Variants in PCDHA6 observed in about 807,000 individuals in gnomAD.
The protein encoded by PCDHA6 is protocadherin alpha 6.
In PCDHA6, 55 loss-of-function variants were observed where a neutral mutation model predicts 60.3. That is an observed-to-expected ratio of 0.91 (90% CI 0.73 to 1.14). The LOEUF is 1.14. PCDHA6 is among the 50% of genes most tolerant of loss of function. The probability of loss-of-function intolerance (pLI) is 0.00; values close to 1 mark genes in which losing one functional copy is unlikely to be tolerated. For synonymous variants in PCDHA6, 652 were observed against 557.9 expected (o/e 1.17, Z -2.38); for missense variants, 1,327 against 1,256.5 (o/e 1.06, Z -0.85).
chr5:140,855,670 T>G (rs1581372681), intron 1 of PCDHA6, among the ~76,000 whole-genome samples: 2 of 149,924 alleles, frequency 1.3e-5, no homozygotes, highest in African/African-American at 4.9e-5. Context: ...ATCACTACTC[T>G]GAGAGTCTAC....
At chr5:140,880,687 C>G (rs999356626) in intron 1 of PCDHA6, among the ~76,000 whole-genome samples, 1 of 152,130 alleles carries the variant, frequency 6.6e-6, no homozygotes, top group Non-Finnish European at 1.5e-5. Context: ...AGAGAATAGT[C>G]ATGGTTAAGT....
At chr5:141,003,988 C>T (rs1554259401) in intron 3 of PCDHA6, among the ~76,000 whole-genome samples, 1 of 152,120 alleles carries the variant, frequency 6.6e-6, no homozygotes, top group African/African-American at 2.4e-5. Context: ...TGCCGGAGAT[C>T]CTAGAAGGGA....
chr5:140,898,156 G>C (rs1176390379), intron 1 of PCDHA6, among the ~76,000 whole-genome samples: 2 of 152,114 alleles, frequency 1.3e-5, no homozygotes, highest in African/African-American at 4.8e-5. Context: ...TCACGCTGAT[G>C]GTGGTTTCTT....
intron 1 of PCDHA6, chr5:140,966,420 G>C (rs2096000872): frequency 2.4e-6 from 1 of 421,302 alleles, no homozygotes; most frequent in South Asian, 1.0e-4. Flanking sequence ...AGCAGGACTT[G>C]CTGAGCCCTC....
intron 1 of PCDHA6, among the ~76,000 whole-genome samples, chr5:140,917,533 T>C (rs1584058253): frequency 6.6e-6 from 1 of 152,346 alleles, no homozygotes; most frequent in East Asian, 1.9e-4. Context: ...GTTTGTATAG[T>C]TTTAGGTTTT....
At chr5:140,839,954 T>G (rs1241310286) in intron 1 of PCDHA6, among the ~76,000 whole-genome samples, 1 of 151,716 alleles carries the variant, frequency 6.6e-6, no homozygotes, top group Non-Finnish European at 1.5e-5. Context: ...AGACAACATA[T>G]TTTCTGTAAA....
chr5:140,924,902 AAAATAAAAT>A (rs1211271652), intron 1 of PCDHA6, among the ~76,000 whole-genome samples: 3 of 39,024 alleles, frequency 7.7e-5, no homozygotes, highest in African/African-American at 2.3e-4. Context: ...CTCAAAAAAA[AAAATAAAAT>A]AAAATAAAAT....
In PCDHA6 at chr5:141,000,054, A is replaced by G. The variant is rs189634054; in HGVS notation, c.2543-9573A>G. On this transcript the variant is annotated intron_variant, in intron 3 of 3. Coordinates refer to ENST00000529310, the MANE Select transcript of PCDHA6 (RefSeq NM_018909.4). ...CCAATCACACACACACCACTCTCCC[A>G]GCTGCTCTGTAGATCACAATGCTAG... Among the ~76,000 whole-genome samples the G allele has an allele frequency of 4.0e-3, 609 of 152,230 alleles. 3 individuals carry two copies. Among genetic ancestry groups the G allele is most frequent in the African/African-American group, 0.014 (564 of 41,556 alleles).
intron 3 of PCDHA6, among the ~76,000 whole-genome samples, chr5:140,993,767 G>A (rs115607244): frequency 3.3e-5 from 5 of 152,010 alleles, no homozygotes; most frequent in Non-Finnish European, 7.4e-5. Context: ...TTACAATTGC[G>A]CAGTATTTTG....
At chr5:140,872,023 C>G (rs1554166000) in intron 1 of PCDHA6, among the ~76,000 whole-genome samples, 1 of 152,226 alleles carries the variant, frequency 6.6e-6, no homozygotes, top group African/African-American at 2.4e-5. Flanking sequence ...TAGCCTGGAA[C>G]TGCTAAGCTC....
At chr5:140,913,966 A>C (rs2076538227) in intron 1 of PCDHA6, among the ~76,000 whole-genome samples, 1 of 152,156 alleles carries the variant, frequency 6.6e-6, no homozygotes, top group Non-Finnish European at 1.5e-5. Context: ...TTTTTAAAAA[A>C]ATATTTTAGG....
intron 1 of PCDHA6, chr5:140,966,810 G>A (rs1290992432): frequency 3.9e-6 from 6 of 1,548,566 alleles, no homozygotes; most frequent in African/African-American, 1.4e-5. Context: ...GAGCATCCAC[G>A]GCTCCGGCGG....
intron 3 of PCDHA6, among the ~76,000 whole-genome samples, chr5:140,999,845 T>C (rs1293721817): frequency 6.6e-6 from 1 of 152,188 alleles, no homozygotes; most frequent in African/African-American, 2.4e-5. Context: ...CAAGTGTATT[T>C]ATCTCTTCCG....
At chr5:140,890,961 TTTTG>T (rs1239214366) in intron 1 of PCDHA6, among the ~76,000 whole-genome samples, 3 of 152,172 alleles carry the variant, frequency 2.0e-5, no homozygotes, top group African/African-American at 7.2e-5. Flanking sequence ...TGATTTCAGG[TTTTG>T]TTTTTCTGAA....
intron 1 of PCDHA6, chr5:140,860,059 T>A (rs894082800): frequency 2.7e-5 from 4 of 150,452 alleles, no homozygotes; most frequent in African/African-American, 9.8e-5. Context: ...GAGGCCAAGG[T>A]GGGAGGATGG....
intron 1 of PCDHA6, among the ~76,000 whole-genome samples, chr5:140,963,199 A>G (rs955651383): frequency 6.6e-6 from 1 of 152,092 alleles, no homozygotes; most frequent in Non-Finnish European, 1.5e-5. Flanking sequence ...TGAAAATGAA[A>G]AAAAAAACCT....
At chr5:140,840,242 T>C (rs113669357) in intron 1 of PCDHA6, among the ~76,000 whole-genome samples, 1 of 152,052 alleles carries the variant, frequency 6.6e-6, no homozygotes, top group Non-Finnish European at 1.5e-5. Flanking sequence ...AGAATCACTA[T>C]GCTATAAAAA....
rs782131708 is a variant in PCDHA6, at chr5:140,869,055, G to A, written c.2394+38570G>A. The A allele has an allele frequency of 1.9e-6, 3 of 1,547,114 alleles. No homozygotes were observed. In the South Asian group the frequency reaches 3.8e-5, roughly 20 times the overall value. ...TTTTTAACCTGAAACTGAAGAATCTGGTACTGTAAGTGTAAAGAAGCTTAT... is the reference window on the plus strand; with the variant it reads ...TTTTTAACCTGAAACTGAAGAATCTAGTACTGTAAGTGTAAAGAAGCTTAT... On this transcript the variant is annotated intron_variant, in intron 1 of 3. Coordinates refer to ENST00000529310, the MANE Select transcript of PCDHA6 (RefSeq NM_018909.4).
At chr5:140,857,939 A>C in intron 1 of PCDHA6, 1 of 1,597,618 alleles carries the variant, frequency 6.3e-7, no homozygotes, top group Middle Eastern at 1.7e-4. Flanking sequence ...GGGCGAGATC[A>C]GTACGACGCG....
Sources: gnomAD v4.1 joint callset for allele counts (sites outside exome capture counted in the v4.1 genomes callset) on GRCh38, gnomAD v4.1.1 for gene constraint, MANE v1.5 for transcripts, NCBI Gene and HGNC (gene_info 2026-07-23, HGNC 2026-07-21) for gene names.